STK39: variants seen among roughly 807,000 people sequenced by gnomAD.
The protein encoded by STK39 is serine/threonine kinase 39, also known as STE20/SPS1-related proline-alanine-rich protein kinase.
In STK39, 20 loss-of-function variants were observed where a neutral mutation model predicts 77.8. The observed-to-expected ratio is 0.26, with a 90% confidence interval of 0.18 to 0.37. The LOEUF (loss-of-function observed/expected upper bound fraction) is 0.37, where lower values mean the gene tolerates loss of function less well. Among genes scored for constraint, STK39 ranks in the 10% least tolerant of loss-of-function variants. The pLI is 1.00. For missense variants in STK39, 479 were observed against 656.5 expected (o/e 0.73, Z 2.95); for synonymous variants, 246 against 234.1 (o/e 1.05, Z -0.47).
At chr2:168,061,271 T>C (rs1172964665) in intron 14 of STK39, among the ~76,000 whole-genome samples, 6 of 150,944 alleles carry the variant, frequency 4.0e-5, no homozygotes, top group African/African-American at 1.5e-4. Flanking sequence ...ATTATCTTAA[T>C]ACTGTATTCC....
At chr2:168,138,054 CA>C (rs767889133) in intron 8 of STK39, 33 bp downstream of exon 8, 1 of 1,602,490 alleles carries the variant, frequency 6.2e-7, no homozygotes, top group African/African-American at 1.3e-5. Context: ...TGGCTCAAAC[CA>C]GGTCATTAAC....
chr2:168,219,248 T>C (rs985596148), intron 1 of STK39, among the ~76,000 whole-genome samples: 12 of 151,552 alleles, frequency 7.9e-5, no homozygotes, highest in Middle Eastern at 3.2e-3. Flanking sequence ...ATTGAGCCAC[T>C]GCACTCCAGC....
intron 15 of STK39, among the ~76,000 whole-genome samples, chr2:168,016,015 C>A (rs1388711835): frequency 6.6e-6 from 1 of 152,190 alleles, no homozygotes; most frequent in South Asian, 2.1e-4. Flanking sequence ...GCACTCTCTG[C>A]CTCCCAGGTT....
chr2:168,024,697 C>T (rs1316134654), intron 14 of STK39, among the ~76,000 whole-genome samples: 4 of 152,282 alleles, frequency 2.6e-5, no homozygotes, highest in East Asian at 1.9e-4. Flanking sequence ...TGTATCAGCA[C>T]GAATGGACTA....
intron 17 of STK39, among the ~76,000 whole-genome samples, chr2:167,961,837 C>T (rs764459916): frequency 2.6e-5 from 4 of 152,292 alleles, no homozygotes; most frequent in Non-Finnish European, 4.4e-5. Context: ...GAATATCTGT[C>T]GTAAGACCAG....
At position 168,220,653 on chromosome 2, in the gene STK39, A is replaced by C. The variant is rs369285197; in HGVS notation, c.208+26575T>G. 3.3e-5 allele frequency among the ~76,000 whole-genome samples: 5 copies of C among 152,208 alleles called. No homozygotes were observed. The East Asian group carries it at 7.7e-4, about 23-fold the overall frequency. On this transcript the variant is annotated intron_variant, in intron 1 of 17. Coordinates refer to ENST00000355999, the MANE Select transcript of STK39 (RefSeq NM_013233.3). The stretch of plus-strand genomic sequence containing the variant: ...AAAGGCAAGTCATTTCAATTGCATC[A>C]AGAAAAATATTCCATAAAATCAAAG...
intron 1 of STK39, among the ~76,000 whole-genome samples, chr2:168,213,668 G>A (rs999641545): frequency 1.3e-5 from 2 of 148,338 alleles, no homozygotes; most frequent in Non-Finnish European, 3.0e-5. Context: ...CTTAGCCTGG[G>A]TGACAAAAGC....
intron 1 of STK39, among the ~76,000 whole-genome samples, chr2:168,214,036 G>A (rs981572941): frequency 2.0e-5 from 3 of 152,028 alleles, no homozygotes; most frequent in Admixed American, 6.6e-5. Context: ...AATCGCCCAC[G>A]TGAAGACCTG....
rs1001226027 is a variant in STK39, at chr2:168,065,501, T to C, written c.1243-120A>G. ...TTCCAAACGATCATAAAGCAATATT[T>C]ACCAAAGTGTGGCTCTTTGACTACC... On this transcript the variant is annotated intron_variant, in intron 12 of 17. Transcript: ENST00000355999. The C allele has an allele frequency of 8.6e-6, 9 of 1,045,772 alleles. No individual in the cohort carries two copies. The African/African-American group carries it at 1.3e-4, about 15-fold the overall frequency. 64.8% of individuals were successfully genotyped at this position (1,045,772 alleles called of 1,614,324 possible). A position where few individuals can be genotyped will look rare whatever the true frequency, so the allele number is the denominator to read the frequency against.
intron 14 of STK39, among the ~76,000 whole-genome samples, chr2:168,024,344 A>T (rs1045990837): frequency 3.9e-5 from 6 of 152,226 alleles, no homozygotes; most frequent in African/African-American, 1.4e-4. Flanking sequence ...AGAGGGGGAA[A>T]TAATAATTCA....
chr2:168,001,178 C>G (rs1271801616), intron 16 of STK39, among the ~76,000 whole-genome samples: 1 of 150,660 alleles, frequency 6.6e-6, no homozygotes, highest in Non-Finnish European at 1.5e-5. Flanking sequence ...GTGGGTGATT[C>G]TGAAAAACAT....
intron 1 of STK39, among the ~76,000 whole-genome samples, chr2:168,202,368 C>T (rs543861370): frequency 2.6e-5 from 4 of 152,282 alleles, no homozygotes; most frequent in Admixed American, 6.5e-5. Context: ...CCTTCTTACA[C>T]GTGCTACTTA....
At chr2:168,110,846 C>T (rs1687103490) in intron 10 of STK39, among the ~76,000 whole-genome samples, 1 of 152,176 alleles carries the variant, frequency 6.6e-6, no homozygotes, top group African/African-American at 2.4e-5. Context: ...AGCATTGACT[C>T]TATCAATCAA....
chr2:168,184,269 C>A (rs1159636477), intron 1 of STK39, among the ~76,000 whole-genome samples: 1 of 152,258 alleles, frequency 6.6e-6, no homozygotes, highest in South Asian at 2.1e-4. Context: ...TGAGAAAAAT[C>A]TTTTATTAAA....
At chr2:168,027,407 C>A (rs1244140753) in intron 14 of STK39, among the ~76,000 whole-genome samples, 1 of 152,184 alleles carries the variant, frequency 6.6e-6, no homozygotes, top group Non-Finnish European at 1.5e-5. Context: ...TCCACACGTG[C>A]AGAAATATGC....
intron 10 of STK39, among the ~76,000 whole-genome samples, chr2:168,107,812 T>A (rs991052895): frequency 4.6e-5 from 7 of 152,330 alleles, no homozygotes; most frequent in African/African-American, 1.7e-4. Flanking sequence ...AGTGACTGTG[T>A]CCTCTGACAA....
At chr2:168,090,736 T>C (rs976004791) in intron 10 of STK39, among the ~76,000 whole-genome samples, 3 of 152,210 alleles carry the variant, frequency 2.0e-5, no homozygotes, top group East Asian at 3.8e-4. Flanking sequence ...CATTTTACCA[T>C]GTCCTCAGAA....
intron 10 of STK39, among the ~76,000 whole-genome samples, chr2:168,076,302 G>A (rs530280054): frequency 6.6e-6 from 1 of 152,266 alleles, no homozygotes; most frequent in South Asian, 2.1e-4. Flanking sequence ...CCACTCAAAT[G>A]TGACTCTCCT....
At chr2:168,028,272 T>C (rs1684751010) in intron 14 of STK39, among the ~76,000 whole-genome samples, 1 of 152,210 alleles carries the variant, frequency 6.6e-6, no homozygotes, top group African/African-American at 2.4e-5. Context: ...TAATATTTTG[T>C]CATATTTACT....
Sources: allele counts gnomAD v4.1 joint callset (sites outside exome capture counted in the v4.1 genomes callset), GRCh38; gene constraint gnomAD v4.1.1; transcripts MANE v1.5; gene names NCBI Gene and HGNC (gene_info 2026-07-23, HGNC 2026-07-21).